The following DCLRE1C variants were observed in gnomAD, a reference collection of about 807,000 sequenced individuals.
The protein encoded by DCLRE1C is protein artemis.
Under a neutral mutation model 61.4 loss-of-function variants are expected in DCLRE1C, and 47 were observed. That is an observed-to-expected ratio of 0.77 (90% CI 0.61 to 0.98). DCLRE1C has a LOEUF of 0.98. Ranked by LOEUF, DCLRE1C falls within the 50% of genes least tolerant of loss-of-function variation. The probability of loss-of-function intolerance (pLI) is 0.00; values close to 1 mark genes in which losing one functional copy is unlikely to be tolerated. For synonymous variants in DCLRE1C, 337 were observed against 287.6 expected (o/e 1.17, Z -1.74); for missense variants, 858 against 816.0 (o/e 1.05, Z -0.63).
chr10:14,932,769 G>A (rs951996189), intron 9 of DCLRE1C, 85 bp downstream of exon 9: 57 of 1,489,092 alleles, frequency 3.8e-5, no homozygotes, highest in Admixed American at 3.4e-4. Context: ...TTTGTAAAGC[G>A]AAGAGCCTAT....
rs575242970 is a variant in DCLRE1C, at chr10:14,907,530, G to A, written c.*878C>T. Among the ~76,000 whole-genome samples, 15 of 152,084 alleles carry A rather than the reference G, an allele frequency of 9.9e-5. No individual in the cohort carries two copies. In the East Asian group the frequency reaches 2.9e-3, roughly 29 times the overall value. On this transcript the variant is annotated 3_prime_UTR_variant, in exon 14 of 14. Coordinates refer to ENST00000378278, the MANE Select transcript of DCLRE1C (RefSeq NM_001033855.3). ...GTTAAATTAATCCCTAGCTGTAATT[G>A]TGCATTAGTTTGTCTCTTTTCAGCT...
chr10:14,938,036 A>G (rs1840256729), intron 4 of DCLRE1C, among the ~76,000 whole-genome samples: 1 of 150,974 alleles, frequency 6.6e-6, no homozygotes, highest in Admixed American at 6.6e-5. Flanking sequence ...AGAGCTCTGC[A>G]CACACCAGGT....
At chr10:14,950,638 A>G (rs145448559) in intron 1 of DCLRE1C, among the ~76,000 whole-genome samples, 1 of 152,340 alleles carries the variant, frequency 6.6e-6, no homozygotes, top group African/African-American at 2.4e-5. Context: ...ATCCCTGGGC[A>G]GCATTCTCCG....
At chr10:14,910,168 G>T (rs536657199) in intron 13 of DCLRE1C, among the ~76,000 whole-genome samples, 1 of 152,114 alleles carries the variant, frequency 6.6e-6, no homozygotes, top group Non-Finnish European at 1.5e-5. Flanking sequence ...CCATTATCCA[G>T]CTCCCATGTT....
At chr10:14,950,952 G>C (rs921622684) in intron 1 of DCLRE1C, among the ~76,000 whole-genome samples, 1 of 152,210 alleles carries the variant, frequency 6.6e-6, no homozygotes, top group East Asian at 1.9e-4. Flanking sequence ...GGTCTCAGGG[G>C]TCGGGGGGCC....
chr10:14,923,340 A>T (rs1837438371), intron 11 of DCLRE1C: 1 of 409,966 alleles, frequency 2.4e-6, no homozygotes, highest in Admixed American at 3.9e-5. Flanking sequence ...CCACAGTAAG[A>T]GCTGAGAATC....
chr10:14,939,055 G>A (rs553602898), intron 4 of DCLRE1C, among the ~76,000 whole-genome samples: 1 of 152,328 alleles, frequency 6.6e-6, no homozygotes, highest in African/African-American at 2.4e-5. Context: ...AGCCTTGTGA[G>A]TGACATCAGT....
At position 14,917,374 on chromosome 10, in the gene DCLRE1C, T is replaced by TTGA. The variant is rs570675850; in HGVS notation, c.1156+2361_1156+2363dup. 2.0e-5 allele frequency among the ~76,000 whole-genome samples: 3 copies of TTGA among 152,058 alleles called. No individual in the cohort carries two copies. The South Asian group carries it at 6.2e-4, about 32-fold the overall frequency. ...GATATGATACAAAAAAAAGTAAAAA[T>TTGA]TGATAAGTTCACTTAAAATTTAAAA... is the stretch of plus-strand genomic sequence containing the variant. On this transcript the variant is annotated intron_variant, in intron 13 of 13. Coordinates refer to ENST00000378278, the MANE Select transcript of DCLRE1C (RefSeq NM_001033855.3).
chr10:14,914,808 C>T (rs1024546481), intron 13 of DCLRE1C, among the ~76,000 whole-genome samples: 21 of 152,058 alleles, frequency 1.4e-4, no homozygotes, highest in Admixed American at 4.6e-4. Flanking sequence ...GGTATGGTGG[C>T]GTGAGCCTGT....
chr10:14,945,051 C>G, intron 3 of DCLRE1C, 54 bp downstream of exon 3: 1 of 1,405,720 alleles, frequency 7.1e-7, no homozygotes, highest in Non-Finnish European at 9.8e-7. Flanking sequence ...CAATCTACCT[C>G]TAAAAATACT....
At chr10:14,945,489 TGTCCCTGGACCTCCTCCAACAGTG>T in intron 2 of DCLRE1C, 1 of 1,163,606 alleles carries the variant, frequency 8.6e-7, no homozygotes, top group South Asian at 1.9e-5. Context: ...GGAAACACGG[TGTCCCTGGACCTCCTCCAACAGTG>T]GTCCCTCACC....
At chr10:14,929,346 G>T (rs1838577665) in intron 9 of DCLRE1C, among the ~76,000 whole-genome samples, 1 of 151,954 alleles carries the variant, frequency 6.6e-6, no homozygotes, top group Non-Finnish European at 1.5e-5. Context: ...GGAGATTGCA[G>T]TGAGCCCAGA....
Position 14,908,316 on chromosome 10 carries a change from T to C in DCLRE1C, c.*92A>G. On this transcript the variant is annotated 3_prime_UTR_variant, in exon 14 of 14. Coordinates refer to ENST00000378278, the MANE Select transcript of DCLRE1C (RefSeq NM_001033855.3). The stretch of plus-strand genomic sequence containing the variant: ...ACACCCAACCAGGTTATTTGAACAT[T>C]TTTAAGTACTGTATTTTCTCTATTG... 1.8e-6 allele frequency: 2 copies of C among 1,090,538 alleles called. No individual in the cohort carries two copies. Among genetic ancestry groups the C allele is most frequent in the African/African-American group, 1.6e-5 (1 of 64,232 alleles). The allele number at this position is 1,090,538 out of a possible 1,614,324, so 67.6% of individuals were successfully genotyped here.
At chr10:14,913,236 G>C (rs1835590377) in intron 13 of DCLRE1C, among the ~76,000 whole-genome samples, 2 of 152,228 alleles carry the variant, frequency 1.3e-5, no homozygotes, top group Admixed American at 1.3e-4. Context: ...CCTAAGGCCG[G>C]GAATAGTAAT....
chr10:14,911,097 C>G (rs558850619), intron 13 of DCLRE1C: 2 of 152,376 alleles, frequency 1.3e-5, no homozygotes, highest in African/African-American at 2.4e-5. Flanking sequence ...ACCACGTGTT[C>G]AGTGCACTAA....
intron 13 of DCLRE1C, among the ~76,000 whole-genome samples, chr10:14,915,988 T>C (rs897894723): frequency 6.6e-6 from 1 of 152,104 alleles, no homozygotes; most frequent in Non-Finnish European, 1.5e-5. Flanking sequence ...TAACAGAGTA[T>C]AAAGAAAAAC....
chr10:14,941,996 A>C (rs1161430914), intron 3 of DCLRE1C: 1 of 152,214 alleles, frequency 6.6e-6, no homozygotes, highest in Non-Finnish European at 1.5e-5. Context: ...TGTTTCCTAG[A>C]ACCCCTTTCC....
At chr10:14,927,610 G>C (rs1349234765) in intron 10 of DCLRE1C, among the ~76,000 whole-genome samples, 1 of 91,258 alleles carries the variant, frequency 1.1e-5, no homozygotes, top group African/African-American at 4.4e-5. Flanking sequence ...AGAAGGGATG[G>C]AGGAGAGGGA....
At chr10:14,933,614 A>G (rs550517339) in intron 8 of DCLRE1C, among the ~76,000 whole-genome samples, 5 of 152,086 alleles carry the variant, frequency 3.3e-5, no homozygotes, top group African/African-American at 7.2e-5. Flanking sequence ...TCCAGCCTGG[A>G]CGACAGAGCA....
Sources: gnomAD v4.1 joint callset for allele counts (sites outside exome capture counted in the v4.1 genomes callset) on GRCh38, gnomAD v4.1.1 for gene constraint, MANE v1.5 for transcripts, NCBI Gene and HGNC (gene_info 2026-07-23, HGNC 2026-07-21) for gene names.